Variants in RAF1 observed in about 807,000 individuals in gnomAD.
RAF1 encodes Raf-1 proto-oncogene, serine/threonine kinase, also known as RAF proto-oncogene serine/threonine-protein kinase.
In RAF1, 27 loss-of-function variants were observed where a neutral mutation model predicts 81.1. The ratio of observed to expected loss-of-function variants is 0.33; its 90% CI spans 0.25 to 0.46. The LOEUF (loss-of-function observed/expected upper bound fraction) is 0.46, where lower values mean the gene tolerates loss of function less well. Among genes scored for constraint, RAF1 ranks in the 20% least tolerant of loss-of-function variants. RAF1 has a pLI of 1.00. For missense variants in RAF1, 598 were observed against 826.0 expected (o/e 0.72, Z 3.38); for synonymous variants, 298 against 294.0 (o/e 1.01, Z -0.14).
At chr3:12,586,535 A>G (rs985671035) in intron 14 of RAF1, among the ~76,000 whole-genome samples, 1 of 152,212 alleles carries the variant, frequency 6.6e-6, no homozygotes, top group Non-Finnish European at 1.5e-5. Context: ...TTTGGCTGCT[A>G]AAAACCCCAC....
rs1029397237 is a variant in RAF1, at chr3:12,584,060, G to A, written c.*454C>T. 6.8e-6 allele frequency: 2 copies of A among 292,280 alleles called. No homozygotes were observed. Among genetic ancestry groups the A allele is most frequent in the African/African-American group, 2.1e-5 (1 of 47,588 alleles). The allele number at this position is 292,280 out of a possible 1,614,324, so 18.1% of individuals were successfully genotyped here. A position where few individuals can be genotyped will look rare whatever the true frequency, so the allele number is the denominator to read the frequency against. On this transcript the variant is annotated 3_prime_UTR_variant, in exon 18 of 18. Transcript: ENST00000442415. ...TTGGTGCCTTATGTGCAAAATGTCT[G>A]GCGCTGCACCACTCTCTGAAGAAAG...
chr3:12,598,105 G>A (rs761936022), intron 11 of RAF1, among the ~76,000 whole-genome samples: 6 of 146,452 alleles, frequency 4.1e-5, no homozygotes, highest in South Asian at 4.3e-4. Flanking sequence ...TACAACATTC[G>A]CCTCCTGAGC....
chr3:12,627,641 C>A (rs1405774782), intron 1 of RAF1, among the ~76,000 whole-genome samples: 1 of 152,184 alleles, frequency 6.6e-6, no homozygotes, highest in Non-Finnish European at 1.5e-5. Context: ...TGGTAGGTTC[C>A]CTAGGTTCAC....
chr3:12,612,555 A>C (rs1386464526), intron 2 of RAF1, among the ~76,000 whole-genome samples: 1 of 150,216 alleles, frequency 6.7e-6, no homozygotes, highest in Non-Finnish European at 1.5e-5. Flanking sequence ...AGGCTGAGGT[A>C]GGAGAATTGC....
intron 1 of RAF1, among the ~76,000 whole-genome samples, chr3:12,641,790 C>G (rs114991432): frequency 6.6e-6 from 1 of 152,006 alleles, no homozygotes; most frequent in Non-Finnish European, 1.5e-5. Flanking sequence ...CCGTACCCGG[C>G]CCCAAAAATG....
At chr3:12,621,193 C>A (rs2059547870) in intron 1 of RAF1, among the ~76,000 whole-genome samples, 1 of 152,162 alleles carries the variant, frequency 6.6e-6, no homozygotes, top group Admixed American at 6.5e-5. Flanking sequence ...ATTATGTCCC[C>A]ATTTTACAGT....
rs939753086 is a variant in RAF1 at position 12,608,647 on chromosome 3, C to G, written c.581+119G>C. On this transcript the variant is annotated intron_variant, in intron 5 of 17. Transcript: ENST00000442415. Reference sequence around the variant, plus strand: ...ACTGTTTCTAAAGTAGTTTCTGGATCACAATTCATTAAATGAGTCTAGAAT... The same window carrying G: ...ACTGTTTCTAAAGTAGTTTCTGGATGACAATTCATTAAATGAGTCTAGAAT... The G allele has an allele frequency of 3.4e-6, 4 of 1,190,776 alleles. No homozygotes were observed. The African/African-American group carries it at 6.0e-5, about 18-fold the overall frequency. The allele number at this position is 1,190,776 out of a possible 1,614,324, so 73.8% of individuals were successfully genotyped here. A position where few individuals can be genotyped will look rare whatever the true frequency, so the allele number is the denominator to read the frequency against.
At chr3:12,645,976 G>A (rs1481285267) in intron 1 of RAF1, among the ~76,000 whole-genome samples, 1 of 152,068 alleles carries the variant, frequency 6.6e-6, no homozygotes, top group Non-Finnish European at 1.5e-5. Flanking sequence ...TATATCACAA[G>A]CAATTAAAAT....
intron 1 of RAF1, among the ~76,000 whole-genome samples, chr3:12,656,067 C>G (rs2060682196): frequency 6.8e-6 from 1 of 147,368 alleles, no homozygotes; most frequent in Non-Finnish European, 1.5e-5. Context: ...ACACACCCCA[C>G]CCCCAATCCG....
chr3:12,647,188 C>A (rs1233262669), intron 1 of RAF1, among the ~76,000 whole-genome samples: 2 of 151,590 alleles, frequency 1.3e-5, no homozygotes, highest in Non-Finnish European at 1.5e-5. Flanking sequence ...CCCAGCTACT[C>A]GGAAGGCTGA....
chr3:12,657,901 ATCACAG>A (rs1178560634), intron 1 of RAF1, among the ~76,000 whole-genome samples: 13 of 150,828 alleles, frequency 8.6e-5, no homozygotes. Flanking sequence ...AAAAAACCCT[ATCACAG>A]TCACTGACCA....
intron 1 of RAF1, among the ~76,000 whole-genome samples, chr3:12,651,573 G>A (rs1256278094): frequency 6.6e-6 from 1 of 151,756 alleles, no homozygotes; most frequent in Non-Finnish European, 1.5e-5. Context: ...GGCGGGGGTT[G>A]CAGTGAGCTG....
At chr3:12,643,044 ATTCT>A (rs1171977180) in intron 1 of RAF1, among the ~76,000 whole-genome samples, 5 of 152,160 alleles carry the variant, frequency 3.3e-5, no homozygotes, top group Non-Finnish European at 7.3e-5. Flanking sequence ...TTCATCTCCT[ATTCT>A]TTCAAGAAGT....
intron 6 of RAF1, 102 bp from the exon 7 acceptor site, chr3:12,604,391 C>G: frequency 2.5e-6 from 3 of 1,210,140 alleles, no homozygotes; most frequent in Non-Finnish European, 3.6e-6. Flanking sequence ...AGGGCAAACT[C>G]TACCTGTACA....
chr3:12,602,391 C>A (rs1013776563), intron 8 of RAF1, among the ~76,000 whole-genome samples: 1 of 152,108 alleles, frequency 6.6e-6, no homozygotes, highest in African/African-American at 2.4e-5. Context: ...AATAAAAACT[C>A]AAAAATTCTT....
intron 1 of RAF1, among the ~76,000 whole-genome samples, chr3:12,641,825 G>T (rs188281076): frequency 3.9e-4 from 60 of 152,236 alleles, no homozygotes; most frequent in Admixed American, 1.2e-3. Context: ...ACTACGTAAT[G>T]CTAGTTGTAG....
intron 1 of RAF1, among the ~76,000 whole-genome samples, chr3:12,633,685 C>A (rs908496463): frequency 3.4e-4 from 52 of 150,816 alleles, no homozygotes; most frequent in Non-Finnish European, 7.1e-4. Context: ...CCTGTAATCC[C>A]AGCACTTTGG....
chr3:12,608,077 A>G (rs2442812), intron 5 of RAF1, among the ~76,000 whole-genome samples: 62,950 of 151,816 alleles, frequency 0.41, 13,528 homozygotes, highest in African/African-American at 0.46. Context: ...AAGCAAAAAC[A>G]TTTTCATCAT....
rs755977690 is a variant in RAF1 at position 12,600,276 on chromosome 3, G to A, written c.926C>T (p.Ser309Leu). The A allele has an allele frequency of 1.2e-6, 2 of 1,614,088 alleles. No individual in the cohort carries two copies. Among genetic ancestry groups the A allele is most frequent in the Admixed American group, 1.7e-5 (1 of 60,010 alleles). The change falls in exon 10 of 18, where the codon TCA (serine) becomes TTA (leucine). Residue 309 changes from serine (S) to leucine (L), a missense_variant. Ser to Leu is a moderately radical substitution (Grantham distance 145). This residue lies in a region of RAF1 where 194 missense variants were observed against 202.7 expected (regional missense o/e 0.96). Coordinates refer to ENST00000442415, the MANE Select transcript of RAF1 (RefSeq NM_001354689.3). Reference sequence around the variant, plus strand: ...GGGGCTACTGGACAGGGCTGAAGGTGAGGCTTAATAGACAAGACAAACAGA... The same window carrying A: ...GGGGCTACTGGACAGGGCTGAAGGTAAGGCTTAATAGACAAGACAAACAGA...
Sources: gnomAD v4.1 joint callset for allele counts (sites outside exome capture counted in the v4.1 genomes callset) on GRCh38, gnomAD v4.1.1 for gene constraint, gnomAD v4.1.1 regional missense constraint, MANE v1.5 for transcripts, NCBI Gene and HGNC (gene_info 2026-07-23, HGNC 2026-07-21) for gene names.